Variants in RALYL observed in about 807,000 individuals in gnomAD.
RALYL encodes RALY RNA binding protein like, also known as RNA-binding Raly-like protein.
Under a neutral mutation model 35.1 loss-of-function variants are expected in RALYL, and 29 were observed. The observed-to-expected ratio is 0.83, with a 90% CI of 0.61 to 1.13. The LOEUF is 1.13. Among genes scored for constraint, RALYL ranks in the 50% most tolerant of loss-of-function variants. RALYL has a pLI of 0.00. For missense variants in RALYL, 359 were observed against 360.4 expected (o/e 1.00, Z 0.03); for synonymous variants, 120 against 127.6 (o/e 0.94, Z 0.40).
intron 3 of RALYL, among the ~76,000 whole-genome samples, chr8:84,789,479 A>G (rs1820301836): frequency 6.6e-6 from 1 of 151,922 alleles, no homozygotes; most frequent in African/African-American, 2.4e-5. Context: ...TCTTTTTCTC[A>G]TTTTTTTCCT....
At chr8:84,724,019 T>C (rs1261555955) in intron 2 of RALYL, among the ~76,000 whole-genome samples, 1 of 151,856 alleles carries the variant, frequency 6.6e-6, no homozygotes, top group East Asian at 1.9e-4. Context: ...TCAGTGAGTA[T>C]TTGATGAACA....
chr8:84,363,524 C>T (rs751593341), intron 1 of RALYL, among the ~76,000 whole-genome samples: 4 of 152,140 alleles, frequency 2.6e-5, no homozygotes, highest in African/African-American at 7.2e-5. Flanking sequence ...AAAGGGAGTT[C>T]TGGAGAATTT....
rs558765402 is a variant in RALYL at position 84,328,833 on chromosome 8, C to G, written c.-24+144409C>G. 3.3e-5 allele frequency among the ~76,000 whole-genome samples: 5 copies of G among 152,272 alleles called. No individual in the cohort carries two copies. The South Asian group carries it at 1.0e-3, about 32-fold the overall frequency. On this transcript the variant is annotated intron_variant, in intron 1 of 8. Transcript: ENST00000521268. ...TCCATGAATGCCCAGTGTTTAGGTC[C>G]TACTTACAAGTGAGAACATGGAGTA...
intron 1 of RALYL, among the ~76,000 whole-genome samples, chr8:84,519,533 T>A (rs980584389): frequency 1.3e-5 from 2 of 152,188 alleles, no homozygotes; most frequent in African/African-American, 4.8e-5. Flanking sequence ...ACAAAAGAAG[T>A]GAAACCCTTC....
intron 6 of RALYL, among the ~76,000 whole-genome samples, chr8:84,865,146 A>G (rs939567631): frequency 2.0e-5 from 3 of 152,222 alleles, no homozygotes; most frequent in African/African-American, 7.2e-5. Context: ...GTGCATGTAT[A>G]AATATTCATT....
In RALYL at chr8:84,690,976, G is replaced by A. The variant is rs146300235; in HGVS notation, c.257-83603G>A. On this transcript the variant is annotated intron_variant, in intron 2 of 8. Transcript: ENST00000521268. ...AATGACATAACTACTTTCAAATGGT[G>A]GAATTGCTAATTTTTTATCTTTGTA... Among the ~76,000 whole-genome samples the A allele has an allele frequency of 5.3e-5, 8 of 152,090 alleles. No individual in the cohort carries two copies. The East Asian group carries it at 1.5e-3, about 29-fold the overall frequency.
intron 4 of RALYL, among the ~76,000 whole-genome samples, chr8:84,827,513 G>A (rs1360105775): frequency 6.6e-6 from 1 of 151,970 alleles, no homozygotes; most frequent in African/African-American, 2.4e-5. Flanking sequence ...ATTGTAACAT[G>A]GAATGCTCAA....
At chr8:84,844,148 C>G (rs1834063164) in intron 4 of RALYL, among the ~76,000 whole-genome samples, 1 of 152,106 alleles carries the variant, frequency 6.6e-6, no homozygotes, top group Non-Finnish European at 1.5e-5. Flanking sequence ...AGCTTCTGCA[C>G]AGCAAAAGAA....
intron 1 of RALYL, among the ~76,000 whole-genome samples, chr8:84,389,348 A>G (rs2131744962): frequency 6.6e-6 from 1 of 152,048 alleles, no homozygotes; most frequent in East Asian, 1.9e-4. Context: ...TTCCACATGA[A>G]CTTTAAAGTA....
intron 1 of RALYL, among the ~76,000 whole-genome samples, chr8:84,298,271 C>A (rs779466987): frequency 4.6e-4 from 70 of 152,182 alleles, no homozygotes; most frequent in Admixed American, 1.4e-3. Context: ...GTTATCCCAG[C>A]ACCATTTATT....
intron 2 of RALYL, among the ~76,000 whole-genome samples, chr8:84,688,704 C>A (rs776510312): frequency 6.6e-6 from 1 of 151,874 alleles, no homozygotes; most frequent in Non-Finnish European, 1.5e-5. Context: ...GCAAAGGCAA[C>A]AAGAGTAAAA....
chr8:84,508,132 AT>A (rs1186809712), intron 1 of RALYL, among the ~76,000 whole-genome samples: 3 of 152,164 alleles, frequency 2.0e-5, no homozygotes, highest in Non-Finnish European at 2.9e-5. Context: ...CAAAGAGACT[AT>A]TTTTTAGAGA....
chr8:84,503,282 T>A (rs2056863486), intron 1 of RALYL, among the ~76,000 whole-genome samples: 2 of 151,380 alleles, frequency 1.3e-5, no homozygotes, highest in Admixed American at 6.6e-5. Flanking sequence ...GACTCCCAAG[T>A]AGCTGGAACT....
At chr8:84,723,861 T>G (rs1844450262) in intron 2 of RALYL, among the ~76,000 whole-genome samples, 1 of 151,760 alleles carries the variant, frequency 6.6e-6, no homozygotes, top group Non-Finnish European at 1.5e-5. Context: ...GCTCCCTCAT[T>G]ACCCTTTATT....
intron 5 of RALYL, among the ~76,000 whole-genome samples, chr8:84,854,056 A>G (rs1229903762): frequency 6.6e-6 from 1 of 152,202 alleles, no homozygotes; most frequent in Non-Finnish European, 1.5e-5. Flanking sequence ...GTAACCATTA[A>G]CAATAATGGG....
At chr8:84,684,550 A>C (rs2132042427) in intron 2 of RALYL, among the ~76,000 whole-genome samples, 1 of 152,338 alleles carries the variant, frequency 6.6e-6, no homozygotes, top group South Asian at 2.1e-4. Flanking sequence ...TAAGCAATGA[A>C]TTTGTGTGGA....
At chr8:84,193,400 G>A (rs1814467635) in intron 1 of RALYL, among the ~76,000 whole-genome samples, 1 of 152,154 alleles carries the variant, frequency 6.6e-6, no homozygotes, top group Admixed American at 6.5e-5. Context: ...GCAAGGAGAT[G>A]CTGGTTACGT....
chr8:84,763,607 C>A (rs1034429590), intron 2 of RALYL, among the ~76,000 whole-genome samples: 2 of 152,070 alleles, frequency 1.3e-5, no homozygotes, highest in East Asian at 1.9e-4. Flanking sequence ...TCTGGATTTT[C>A]TTCTATTCAT....
At chr8:84,474,004 A>G (rs1273441293) in intron 1 of RALYL, among the ~76,000 whole-genome samples, 1 of 152,072 alleles carries the variant, frequency 6.6e-6, no homozygotes, top group Non-Finnish European at 1.5e-5. Context: ...GGTGACTTGT[A>G]ATTCAGAGAG....
Sources: gnomAD v4.1 joint callset for allele counts (sites outside exome capture counted in the v4.1 genomes callset) on GRCh38, gnomAD v4.1.1 for gene constraint, MANE v1.5 for transcripts, NCBI Gene and HGNC (gene_info 2026-07-23, HGNC 2026-07-21) for gene names.